CNTNAP2: variants seen among roughly 807,000 people sequenced by gnomAD.
CNTNAP2 encodes the protein contactin associated protein 2, also known as contactin-associated protein-like 2.
Under a neutral mutation model 155.2 loss-of-function variants are expected in CNTNAP2, and 98 were observed. The observed-to-expected ratio is 0.63, with a 90% CI of 0.54 to 0.75. CNTNAP2 has a LOEUF of 0.75. Ranked by LOEUF, CNTNAP2 falls within the 30% of genes least tolerant of loss-of-function variation. CNTNAP2 has a pLI of 0.00. For synonymous variants in CNTNAP2, 651 were observed against 631.2 expected, an observed-to-expected ratio of 1.03 and a Z score of -0.47; for missense variants, 1,727 against 1,688.1, an observed-to-expected ratio of 1.02 and a Z score of -0.40.
chr7:146,200,088 G>A (rs1297218907), intron 1 of CNTNAP2, among the ~76,000 whole-genome samples: 1 of 152,124 alleles, frequency 6.6e-6, no homozygotes, highest in Admixed American at 6.5e-5. Context: ...CATGATAACT[G>A]TTTTCTTTTT....
intron 1 of CNTNAP2, among the ~76,000 whole-genome samples, chr7:146,429,992 A>T (rs2129116688): frequency 6.6e-6 from 1 of 152,096 alleles, no homozygotes; most frequent in East Asian, 1.9e-4. Context: ...CATAGTTTTT[A>T]TATTTAGTTA....
rs146211194 is a variant in CNTNAP2, at chr7:146,396,741, A to G, written c.97+279768A>G. On this transcript the variant is annotated intron_variant, in intron 1 of 23. Transcript: ENST00000361727. ...TATGTGTATATATATGTATATAAAT[A>G]TCCTGCAAAATGTAGACCTTTCCTC... is the stretch of plus-strand genomic sequence containing the variant. Among the ~76,000 whole-genome samples, 1,040 of 151,224 alleles carry G rather than the reference A, an allele frequency of 6.9e-3. 10 individuals carry two copies. Among genetic ancestry groups the G allele is most frequent in the African/African-American group, 0.023 (936 of 41,340 alleles).
At chr7:147,236,268 C>T (rs17170366) in intron 8 of CNTNAP2, among the ~76,000 whole-genome samples, 8,218 of 152,280 alleles carry the variant, frequency 0.054, 919 homozygotes, top group East Asian at 0.48. Context: ...GACTCTGATA[C>T]GCTGTGTGGG....
intron 13 of CNTNAP2, among the ~76,000 whole-genome samples, chr7:147,780,000 T>A (rs1189238903): frequency 6.6e-6 from 1 of 152,242 alleles, no homozygotes; most frequent in Non-Finnish European, 1.5e-5. Flanking sequence ...CCTATTTCCT[T>A]ATGCCACAAA....
At chr7:148,193,082 T>A (rs1203609652) in intron 18 of CNTNAP2, among the ~76,000 whole-genome samples, 1 of 152,246 alleles carries the variant, frequency 6.6e-6, no homozygotes, top group Non-Finnish European at 1.5e-5. Context: ...GATTTTCACC[T>A]AGTATTCTAA....
In CNTNAP2 at chr7:148,415,778, C is replaced by CT. The variant is rs1799972557; in HGVS notation, c.*162_*163insT. 3.3e-6 allele frequency: 2 copies of CT among 612,012 alleles called. No homozygotes were observed. The highest frequency in any genetic ancestry group is 8.8e-5 in the Admixed American group (2 of 22,642). The allele number at this position is 612,012 out of a possible 1,614,324, so 37.9% of individuals were successfully genotyped here. On this transcript the variant is annotated 3_prime_UTR_variant, in exon 24 of 24. Transcript: ENST00000361727. ...ATAATGGAATATTCTTGAGACTGAT[C>CT]ACAAAAAAAAAAACCTTTTTAATAT... is the stretch of plus-strand genomic sequence containing the variant.
At chr7:146,752,835 A>G (rs1801929309) in intron 1 of CNTNAP2, among the ~76,000 whole-genome samples, 1 of 152,180 alleles carries the variant, frequency 6.6e-6, no homozygotes. Flanking sequence ...TTTTCAGCAT[A>G]TGGCTAGCCA....
At chr7:146,713,458 A>G (rs1801133372) in intron 1 of CNTNAP2, among the ~76,000 whole-genome samples, 2 of 152,122 alleles carry the variant, frequency 1.3e-5, no homozygotes, top group Admixed American at 6.6e-5. Flanking sequence ...CATAACTACC[A>G]GCTTGGCAGA....
At chr7:146,192,840 C>T (rs4345482) in intron 1 of CNTNAP2, among the ~76,000 whole-genome samples, 44,048 of 152,070 alleles carry the variant, frequency 0.29, 7,235 homozygotes, top group African/African-American at 0.44. Flanking sequence ...AAGGGCAAGT[C>T]CCTTCTGCCT....
intron 9 of CNTNAP2, among the ~76,000 whole-genome samples, chr7:147,325,021 A>G (rs1473799453): frequency 6.6e-6 from 1 of 152,186 alleles, no homozygotes; most frequent in Non-Finnish European, 1.5e-5. Context: ...ATAAATGTAT[A>G]GGCCTGGCAC....
intron 1 of CNTNAP2, among the ~76,000 whole-genome samples, chr7:146,532,411 C>T (rs1218014875): frequency 1.3e-5 from 2 of 152,160 alleles, no homozygotes; most frequent in Non-Finnish European, 2.9e-5. Flanking sequence ...GATTTATCCA[C>T]AGACTAGCTT....
intron 11 of CNTNAP2, among the ~76,000 whole-genome samples, chr7:147,503,108 A>G (rs536958496): frequency 4.6e-5 from 7 of 152,298 alleles, no homozygotes; most frequent in Non-Finnish European, 7.3e-5. Context: ...TTAGAAGTCC[A>G]TAATCAAGGT....
At chr7:146,642,566 C>A (rs1466786470) in intron 1 of CNTNAP2, among the ~76,000 whole-genome samples, 1 of 151,496 alleles carries the variant, frequency 6.6e-6, no homozygotes, top group Non-Finnish European at 1.5e-5. Flanking sequence ...CATTGTTGGA[C>A]ATTTGGGTTG....
intron 1 of CNTNAP2, among the ~76,000 whole-genome samples, chr7:146,632,145 A>G (rs1259364987): frequency 6.6e-6 from 1 of 152,104 alleles, no homozygotes; most frequent in Non-Finnish European, 1.5e-5. Context: ...GAAAATTTAG[A>G]GAGTTTGGTT....
intron 15 of CNTNAP2, among the ~76,000 whole-genome samples, chr7:148,048,310 G>A (rs1802813449): frequency 6.6e-6 from 1 of 152,136 alleles, no homozygotes; most frequent in Admixed American, 6.5e-5. Context: ...GCATGGAGCT[G>A]TATCACTCAA....
chr7:147,043,122 G>A (rs560142128), intron 3 of CNTNAP2, among the ~76,000 whole-genome samples: 4 of 152,066 alleles, frequency 2.6e-5, no homozygotes, highest in African/African-American at 9.6e-5. Context: ...TTTTTTGAGA[G>A]TCGAGTCTAT....
At chr7:147,806,599 A>G (rs1488154309) in intron 13 of CNTNAP2, among the ~76,000 whole-genome samples, 1 of 152,246 alleles carries the variant, frequency 6.6e-6, no homozygotes, top group African/African-American at 2.4e-5. Flanking sequence ...AAGCAGCCTT[A>G]GTGTCTACCT....
At chr7:147,646,140 G>A (rs1050121511) in intron 13 of CNTNAP2, among the ~76,000 whole-genome samples, 1 of 152,104 alleles carries the variant, frequency 6.6e-6, no homozygotes, top group Non-Finnish European at 1.5e-5. Flanking sequence ...TGTTGTTGTT[G>A]TTGCTGTTAT....
chr7:148,098,407 G>A (rs570975696), intron 15 of CNTNAP2, among the ~76,000 whole-genome samples: 25 of 119,392 alleles, frequency 2.1e-4, no homozygotes, highest in Admixed American at 4.8e-4. Flanking sequence ...TCACGCCACT[G>A]CACTCCAGCT....
Sources: allele counts gnomAD v4.1 joint callset (sites outside exome capture counted in the v4.1 genomes callset), GRCh38; gene constraint gnomAD v4.1.1; transcripts MANE v1.5; gene names NCBI Gene and HGNC (gene_info 2026-07-23, HGNC 2026-07-21).